The following C10orf90 variants were observed in gnomAD, a reference collection of about 807,000 sequenced individuals.
C10orf90 encodes (E2-independent) E3 ubiquitin-conjugating enzyme FATS.
A neutral mutation model predicts 62.5 loss-of-function variants in C10orf90; 56 were observed. The ratio of observed to expected loss-of-function variants is 0.90; its 90% CI spans 0.72 to 1.12. The LOEUF (loss-of-function observed/expected upper bound fraction) is 1.12. Among genes scored for constraint, C10orf90 ranks in the 50% most tolerant of loss-of-function variants. The probability of loss-of-function intolerance (pLI) is 0.00; values close to 1 mark genes in which losing one functional copy is unlikely to be tolerated. For missense variants in C10orf90, 970 were observed against 880.4 expected, an observed-to-expected ratio of 1.10 and a Z score of -1.29; for synonymous variants, 386 against 340.4, an observed-to-expected ratio of 1.13 and a Z score of -1.47.
At position 126,429,860 on chromosome 10, in the gene C10orf90, A is replaced by G; in HGVS notation, c.2189-10T>C. ...GGTTTGAACAAGTTATCTGGAAAAA[A>G]TAGAAAGAGAATTAAGTTCAGAAGG... On this transcript the variant is annotated splice_polypyrimidine_tract_variant and intron_variant, in intron 7 of 9. Transcript: ENST00000488181. The G allele has an allele frequency of 6.2e-7, 1 of 1,611,424 alleles. No homozygotes were observed. The highest frequency in any genetic ancestry group is 8.5e-7 in the Non-Finnish European group (1 of 1,177,528).
At chr10:126,540,684 A>T (rs1000593467) in intron 2 of C10orf90, among the ~76,000 whole-genome samples, 24 of 133,374 alleles carry the variant, frequency 1.8e-4, no homozygotes, top group Non-Finnish European at 3.3e-4. Context: ...AAAAAAAAAA[A>T]GAACCAAGAT....
rs140430926 is a variant in C10orf90 at position 126,504,053 on chromosome 10, C to G, written c.1438G>C (p.Val480Leu). The part of the protein sequence containing the change: ...LANVGANQVT[V>L]RKGEKDHTTH... ...GTATGGTCCTTTTCCCCTTTTCTTA[C>G]AGTGACTTGGTTAGCTCCCACATTT... The change falls in exon 4 of 10, where the codon GTA (valine) becomes CTA (leucine). Residue 480 changes from valine to leucine, a missense_variant. Physicochemically the swap from Val to Leu is conservative, Grantham distance 32. Transcript: ENST00000488181. This position sits in a 1 kb window ranked among gnomAD's most constrained non-coding sequence, Gnocchi z 4.1. 111 of 1,614,026 alleles carry G rather than the reference C, an allele frequency of 6.9e-5. No individual in the cohort carries two copies. The highest frequency in any genetic ancestry group is 4.3e-4 in the Admixed American group (26 of 60,000).
At chr10:126,546,518 C>A (rs1261524921) in intron 2 of C10orf90, among the ~76,000 whole-genome samples, 1 of 152,144 alleles carries the variant, frequency 6.6e-6, no homozygotes, top group Non-Finnish European at 1.5e-5. Context: ...GATAACAGGA[C>A]CACCTCCAGG....
intron 2 of C10orf90, among the ~76,000 whole-genome samples, chr10:126,610,891 T>C (rs1845418309): frequency 6.6e-6 from 1 of 152,160 alleles, no homozygotes; most frequent in South Asian, 2.1e-4. Context: ...AGACACAACT[T>C]CTTGTAACTG....
At chr10:126,655,784 T>TAACTCAGTTG (rs1846381295) in intron 1 of C10orf90, among the ~76,000 whole-genome samples, 2 of 149,616 alleles carry the variant, frequency 1.3e-5, no homozygotes, top group South Asian at 4.2e-4. Flanking sequence ...CTTTAACTTT[T>TAACTCAGTTG]AACTCAGTTG....
chr10:126,553,384 G>C (rs531622371), intron 2 of C10orf90, among the ~76,000 whole-genome samples: 4 of 152,158 alleles, frequency 2.6e-5, no homozygotes, highest in Non-Finnish European at 5.9e-5. Flanking sequence ...GACAAATAAG[G>C]ACATGAATAG....
intron 2 of C10orf90, among the ~76,000 whole-genome samples, chr10:126,598,563 T>C (rs1845132144): frequency 1.3e-5 from 2 of 152,196 alleles, no homozygotes; most frequent in Admixed American, 1.3e-4. Flanking sequence ...CTTCAGCTTG[T>C]GGTCTCTTCA....
At chr10:126,651,303 G>A (rs1564910007) in intron 1 of C10orf90, among the ~76,000 whole-genome samples, 1 of 152,242 alleles carries the variant, frequency 6.6e-6, no homozygotes, top group East Asian at 1.9e-4. Context: ...CCCTGGGTTT[G>A]TAGCAAACTA....
At chr10:126,564,292 C>T (rs952692491) in intron 2 of C10orf90, among the ~76,000 whole-genome samples, 1 of 152,024 alleles carries the variant, frequency 6.6e-6, no homozygotes, top group African/African-American at 2.4e-5. Context: ...GGAGACCCAG[C>T]CCACCAGGTT....
At chr10:126,595,719 T>C (rs1256397981) in intron 2 of C10orf90, among the ~76,000 whole-genome samples, 1 of 152,150 alleles carries the variant, frequency 6.6e-6, no homozygotes, top group African/African-American at 2.4e-5. Context: ...TGTGAAACTC[T>C]GTATTCAAAT....
intron 2 of C10orf90, among the ~76,000 whole-genome samples, chr10:126,535,176 T>TAG (rs202183355): frequency 0.011 from 1,604 of 150,896 alleles, 33 homozygotes; most frequent in African/African-American, 0.037. Context: ...TGTGTATGTT[T>TAG]AGAGAGAGAG....
chr10:126,492,602 C>G (rs528982944), intron 4 of C10orf90, among the ~76,000 whole-genome samples: 2 of 152,184 alleles, frequency 1.3e-5, no homozygotes, highest in Admixed American at 1.3e-4. Flanking sequence ...TATGAGAACT[C>G]TGAAGAAAAC....
chr10:126,499,630 C>A (rs1272537084), intron 4 of C10orf90, among the ~76,000 whole-genome samples: 1 of 152,174 alleles, frequency 6.6e-6, no homozygotes, highest in Non-Finnish European at 1.5e-5. Context: ...TGTGAGTAGG[C>A]ACAGTGCTCA....
chr10:126,661,144 A>G (rs1301758730), intron 1 of C10orf90, among the ~76,000 whole-genome samples: 3 of 152,198 alleles, frequency 2.0e-5, no homozygotes, highest in Non-Finnish European at 4.4e-5. Context: ...TCACAGGAGC[A>G]GCATCCATAA....
chr10:126,483,257 T>A (rs10510161), intron 4 of C10orf90, among the ~76,000 whole-genome samples: 22,696 of 152,288 alleles, frequency 0.15, 1,773 homozygotes, highest in Middle Eastern at 0.22. Flanking sequence ...AAATACACTG[T>A]TTCATACTTG....
At chr10:126,547,560 G>T (rs1373107122) in intron 2 of C10orf90, among the ~76,000 whole-genome samples, 1 of 144,706 alleles carries the variant, frequency 6.9e-6, no homozygotes, top group Non-Finnish European at 1.5e-5. Flanking sequence ...GGACTTATCT[G>T]AGAGAGAAAT....
At chr10:126,441,797 G>A (rs1248180008) in intron 7 of C10orf90, among the ~76,000 whole-genome samples, 1 of 152,116 alleles carries the variant, frequency 6.6e-6, no homozygotes, top group East Asian at 1.9e-4. Context: ...TGTTATACAT[G>A]AAGGAAAGAT....
intron 7 of C10orf90, among the ~76,000 whole-genome samples, chr10:126,442,487 A>ATATATATATATATATCTATCTATATC (rs1449750468): frequency 1.0e-5 from 1 of 96,574 alleles, no homozygotes; most frequent in African/African-American, 4.3e-5. Flanking sequence ...TCATATATAT[A>ATATATATATATATATCTATCTATATC]TATATATATA....
At chr10:126,502,105 A>ACACACACACAC (rs1242145389) in intron 4 of C10orf90, among the ~76,000 whole-genome samples, 6 of 83,534 alleles carry the variant, frequency 7.2e-5, no homozygotes, top group Non-Finnish European at 1.2e-4. Flanking sequence ...CACACACACC[A>ACACACACACAC]CACACACACA....
Sources: gnomAD v4.1 joint callset for allele counts (sites outside exome capture counted in the v4.1 genomes callset) on GRCh38, gnomAD v4.1.1 for gene constraint, Gnocchi (gnomAD v3.1) non-coding constraint, MANE v1.5 for transcripts, NCBI Gene and HGNC (gene_info 2026-07-23, HGNC 2026-07-21) for gene names.